The following SH3RF1 variants were observed in gnomAD, a reference collection of about 807,000 sequenced individuals.
SH3RF1 encodes E3 ubiquitin-protein ligase SH3RF1.
Under a neutral mutation model 74.0 loss-of-function variants are expected in SH3RF1, and 32 were observed. The ratio of observed to expected loss-of-function variants is 0.43; its 90% CI spans 0.33 to 0.58. SH3RF1 has a LOEUF of 0.58. Ranked by LOEUF, SH3RF1 falls within the 20% of genes least tolerant of loss-of-function variation. The pLI is 0.05. For missense variants in SH3RF1, 954 were observed against 1,130.9 expected (o/e 0.84, Z 2.24); for synonymous variants, 396 against 439.6 (o/e 0.90, Z 1.24).
chr4:169,199,392 C>T (rs898516325), intron 2 of SH3RF1, among the ~76,000 whole-genome samples: 4 of 152,178 alleles, frequency 2.6e-5, no homozygotes, highest in African/African-American at 7.2e-5. Flanking sequence ...TTCAAAGACT[C>T]GGGTTCTTAC....
intron 2 of SH3RF1, among the ~76,000 whole-genome samples, chr4:169,254,593 G>A (rs78860286): frequency 0.026 from 3,922 of 152,246 alleles, 176 homozygotes; most frequent in African/African-American, 0.09. Flanking sequence ...CGAGAGATGG[G>A]GGAAACTGAA....
At chr4:169,163,605 T>C (rs1008727237) in intron 2 of SH3RF1, among the ~76,000 whole-genome samples, 2 of 152,226 alleles carry the variant, frequency 1.3e-5, no homozygotes, top group African/African-American at 4.8e-5. Context: ...CCTATGTCTT[T>C]ACAATCTGGA....
intron 2 of SH3RF1, among the ~76,000 whole-genome samples, chr4:169,193,113 A>G (rs1734755705): frequency 6.6e-6 from 1 of 152,000 alleles, no homozygotes; most frequent in Admixed American, 6.6e-5. Context: ...GAATGACACA[A>G]TGGACTTTGG....
chr4:169,207,415 A>C (rs1730279488), intron 2 of SH3RF1, among the ~76,000 whole-genome samples: 1 of 152,216 alleles, frequency 6.6e-6, no homozygotes, highest in African/African-American at 2.4e-5. Flanking sequence ...TGACTGAGTG[A>C]GACCCTGTCT....
chr4:169,136,327 G>A lies in SH3RF1; in HGVS notation c.1059C>T (p.Ala353=). 5 of 1,432,560 alleles carry A rather than the reference G, an allele frequency of 3.5e-6. No individual in the cohort carries two copies. The highest frequency in any genetic ancestry group is 4.6e-6 in the Non-Finnish European group (5 of 1,087,438). 88.7% of individuals were successfully genotyped at this position (1,432,560 alleles called of 1,614,324 possible). A position where few individuals can be genotyped will look rare whatever the true frequency, so the allele number is the denominator to read the frequency against. ...TTGTTTGAGGATTTACCTGAGAAGG[G>A]GCACTGCAGGAGAGCCCAGACAGCT... ...ISELSGLSCS[A]PSQVHISTTG... The change falls in exon 5 of 12, where the codon GCC becomes GCT. Residue 353 remains alanine, a synonymous_variant. Transcript: ENST00000284637.
chr4:169,254,416 T>C (rs1016723058), intron 2 of SH3RF1, among the ~76,000 whole-genome samples: 15 of 152,162 alleles, frequency 9.9e-5, no homozygotes, highest in Non-Finnish European at 1.6e-4. Context: ...ATAAACAAGG[T>C]ATATATGTGT....
chr4:169,181,611 G>A (rs1396995600), intron 2 of SH3RF1, among the ~76,000 whole-genome samples: 1 of 152,034 alleles, frequency 6.6e-6, no homozygotes, highest in Non-Finnish European at 1.5e-5. Flanking sequence ...AATCTTTCAG[G>A]TCCCCAAAAT....
intron 4 of SH3RF1, among the ~76,000 whole-genome samples, chr4:169,149,739 A>G (rs576266977): frequency 6.6e-6 from 1 of 152,190 alleles, no homozygotes; most frequent in Non-Finnish European, 1.5e-5. Flanking sequence ...AAAATAATAC[A>G]TCTAAAGGAA....
chr4:169,187,175 A>G (rs1734619657), intron 2 of SH3RF1, among the ~76,000 whole-genome samples: 1 of 152,186 alleles, frequency 6.6e-6, no homozygotes, highest in Non-Finnish European at 1.5e-5. Context: ...GCTTGCTTAT[A>G]TAGTGTACAC....
At chr4:169,137,512 CA>C (rs943825269) in intron 4 of SH3RF1, among the ~76,000 whole-genome samples, 14 of 151,676 alleles carry the variant, frequency 9.2e-5, no homozygotes, top group Admixed American at 3.9e-4. Context: ...CTCAACCTCT[CA>C]AAAAAAATTG....
intron 2 of SH3RF1, among the ~76,000 whole-genome samples, chr4:169,183,939 G>A (rs905820304): frequency 1.3e-5 from 2 of 152,204 alleles, no homozygotes; most frequent in African/African-American, 4.8e-5. Context: ...CTGACAGACT[G>A]TCTCCATGAG....
At chr4:169,219,231 T>C (rs370375710) in intron 2 of SH3RF1, among the ~76,000 whole-genome samples, 10 of 152,282 alleles carry the variant, frequency 6.6e-5, no homozygotes, top group Admixed American at 3.3e-4. Context: ...CAAGGTGCAA[T>C]AATGAGTATA....
At chr4:169,110,584 A>G (rs1167421024) in intron 10 of SH3RF1, among the ~76,000 whole-genome samples, 1 of 152,106 alleles carries the variant, frequency 6.6e-6, no homozygotes, top group African/African-American at 2.4e-5. Flanking sequence ...GGGCAACATG[A>G]TAAGACCCTA....
intron 2 of SH3RF1, among the ~76,000 whole-genome samples, chr4:169,264,804 G>A (rs1731328171): frequency 6.6e-6 from 1 of 152,126 alleles, no homozygotes; most frequent in Non-Finnish European, 1.5e-5. Flanking sequence ...CAAATTTGAG[G>A]CCTCATCTTA....
In SH3RF1 at chr4:169,120,935, T is replaced by C. The variant is rs1342394548; in HGVS notation, c.1401A>G (p.Arg467=). The C allele has an allele frequency of 1.2e-6, 2 of 1,614,164 alleles. No homozygotes were observed. Among genetic ancestry groups the C allele is most frequent in the East Asian group, 4.5e-5 (2 of 44,880 alleles). The change falls in exon 8 of 12, where the codon AGA becomes AGG. Residue 467 remains arginine (R), a synonymous_variant. Transcript: ENST00000284637. The stretch of plus-strand genomic sequence containing the variant: ...CAAACACTAAAAACATCTCCCCTTT[T>C]CTCAGCTCTAGTTCATCCTCTTTCC... ...TPRKEDELEL[R]KGEMFLVFER...
chr4:169,177,712 T>C (rs1005784562), intron 2 of SH3RF1, among the ~76,000 whole-genome samples: 7 of 152,202 alleles, frequency 4.6e-5, no homozygotes, highest in Non-Finnish European at 1.0e-4. Flanking sequence ...TAAATATCTA[T>C]AATGCTTTCA....
chr4:169,269,290 T>C lies in SH3RF1; in HGVS notation c.-78A>G, dbSNP rs1731405448. The stretch of plus-strand genomic sequence containing the variant: ...ATCCCTTAAAATGACTCATGTAACA[T>C]CCATTTCAGACTTTGCTCTAGAGTC... On this transcript the variant is annotated 5_prime_UTR_variant, in exon 2 of 12. An upstream start codon of the reference 5' UTR is lost. Transcript: ENST00000284637. 1 of 1,435,604 alleles carries C rather than the reference T, an allele frequency of 7.0e-7. No homozygotes were observed. The allele number at this position is 1,435,604 out of a possible 1,614,324, so 88.9% of individuals were successfully genotyped here. A position where few individuals can be genotyped will look rare whatever the true frequency, so the allele number is the denominator to read the frequency against.
intron 2 of SH3RF1, among the ~76,000 whole-genome samples, chr4:169,262,492 AC>A (rs1731294745): frequency 6.6e-6 from 1 of 151,940 alleles, no homozygotes; most frequent in Non-Finnish European, 1.5e-5. Context: ...CATGGTGAAA[AC>A]CCACCTCTAC....
chr4:169,233,448 T>A (rs1193136150), intron 2 of SH3RF1, among the ~76,000 whole-genome samples: 1 of 152,188 alleles, frequency 6.6e-6, no homozygotes, highest in Non-Finnish European at 1.5e-5. Context: ...TTATTCATAG[T>A]CATCATTTCA....
Sources: allele counts gnomAD v4.1 joint callset (sites outside exome capture counted in the v4.1 genomes callset), GRCh38; gene constraint gnomAD v4.1.1; transcripts MANE v1.5; gene names NCBI Gene and HGNC (gene_info 2026-07-23, HGNC 2026-07-21).